Variants in CC2D2B observed in about 807,000 individuals in gnomAD.
The protein encoded by CC2D2B is coiled-coil and C2 domain containing 2B.
CC2D2B carries 128 observed loss-of-function variants against 161.2 expected under a neutral mutation model. The observed-to-expected ratio is 0.79, with a 90% CI of 0.69 to 0.92. The LOEUF (loss-of-function observed/expected upper bound fraction) is 0.92, where lower values mean the gene tolerates loss of function less well. Among genes scored for constraint, CC2D2B ranks in the 40% least tolerant of loss-of-function variants. The pLI is 0.00. For missense variants in CC2D2B, 1,173 were observed against 1,375.1 expected, an observed-to-expected ratio of 0.85 and a Z score of 2.32; for synonymous variants, 391 against 449.8, an observed-to-expected ratio of 0.87 and a Z score of 1.65.
intron 3 of CC2D2B, among the ~76,000 whole-genome samples, chr10:95,922,753 G>A (rs1340671228): frequency 1.3e-5 from 2 of 152,040 alleles, no homozygotes; most frequent in Non-Finnish European, 2.9e-5. Flanking sequence ...CAGCAACCGA[G>A]CAGAAAATAA....
intron 6 of CC2D2B, among the ~76,000 whole-genome samples, chr10:95,929,289 G>T (rs544895108): frequency 1.3e-5 from 2 of 152,262 alleles, no homozygotes; most frequent in East Asian, 1.9e-4. Flanking sequence ...GTAGATTCTG[G>T]ATATTAGCCC....
chr10:95,936,840 C>T lies in CC2D2B; in HGVS notation c.337-1151C>T, dbSNP rs1193518544. 3.3e-5 allele frequency among the ~76,000 whole-genome samples: 5 copies of T among 152,146 alleles called. No homozygotes were observed. In the East Asian group the frequency reaches 7.7e-4, roughly 23 times the overall value. On this transcript the variant is annotated intron_variant, in intron 6 of 34. Coordinates refer to ENST00000646931, the MANE Select transcript of CC2D2B (RefSeq NM_001349008.3). ...TCTACCATCAGGGCAGACCTTAGCT[C>T]TGAAGGCAGGTGGAAAGCCCTGGCC...
intron 2 of CC2D2B, among the ~76,000 whole-genome samples, chr10:95,913,860 T>C (rs753621146): frequency 5.9e-5 from 9 of 152,202 alleles, no homozygotes; most frequent in Non-Finnish European, 1.2e-4. Context: ...TATATTTTGG[T>C]TATTAATCCC....
chr10:95,981,163 G>T (rs567376919), intron 17 of CC2D2B, among the ~76,000 whole-genome samples: 4 of 152,124 alleles, frequency 2.6e-5, no homozygotes, highest in Admixed American at 6.6e-5. Flanking sequence ...GGAGGCCAAG[G>T]GGGGCGGATC....
At chr10:95,940,876 C>G (rs1478698090) in intron 9 of CC2D2B, among the ~76,000 whole-genome samples, 1 of 151,934 alleles carries the variant, frequency 6.6e-6, no homozygotes, top group African/African-American at 2.4e-5. Flanking sequence ...GAAAAAAAAT[C>G]CAATAATTAA....
intron 19 of CC2D2B, chr10:95,984,545 ATTAT>A (rs2077644390): frequency 6.6e-6 from 1 of 152,212 alleles, no homozygotes; most frequent in African/African-American, 2.4e-5. Flanking sequence ...TAAAATATTA[ATTAT>A]TTAATCAATG....
intron 17 of CC2D2B, among the ~76,000 whole-genome samples, chr10:95,977,289 C>T (rs745351653): frequency 1.3e-5 from 2 of 152,060 alleles, no homozygotes; most frequent in African/African-American, 2.4e-5. Flanking sequence ...GCAGGAGAAT[C>T]GCTTGAACCT....
intron 5 of CC2D2B, among the ~76,000 whole-genome samples, chr10:95,926,813 G>A (rs1352557511): frequency 1.6e-5 from 1 of 62,780 alleles, no homozygotes; most frequent in South Asian, 6.1e-4. Context: ...GGCTGAGGTG[G>A]CAGTGTGTGT....
At chr10:96,031,378 C>T (rs2080060009) in intron 34 of CC2D2B, among the ~76,000 whole-genome samples, 1 of 152,132 alleles carries the variant, frequency 6.6e-6, no homozygotes, top group African/African-American at 2.4e-5. Context: ...GGTAATTTTC[C>T]ATGGGACCAT....
Position 95,973,994 on chromosome 10 carries a change from G to A in CC2D2B, c.1796-15G>A, listed in dbSNP as rs2077232134. Reference sequence around the variant, plus strand: ...TTAAAACAATTCATATGTTTTTAATGCCTTTTATAAACAGATGTGCCTTTT... The same window carrying A: ...TTAAAACAATTCATATGTTTTTAATACCTTTTATAAACAGATGTGCCTTTT... On this transcript the variant is annotated splice_polypyrimidine_tract_variant and intron_variant, in intron 16 of 34. Coordinates refer to ENST00000646931, the MANE Select transcript of CC2D2B (RefSeq NM_001349008.3). The A allele has an allele frequency of 2.4e-6, 3 of 1,226,396 alleles. No individual in the cohort carries two copies. The East Asian group carries it at 9.5e-5, about 39-fold the overall frequency. 76.0% of individuals were successfully genotyped at this position (1,226,396 alleles called of 1,614,324 possible).
Position 95,938,042 on chromosome 10 carries a change from CA to C in CC2D2B, c.392del (p.Asn131MetfsTer11). The C allele has an allele frequency of 5.8e-6, 9 of 1,550,970 alleles. No homozygotes were observed. Among genetic ancestry groups the C allele is most frequent in the Non-Finnish European group, 7.8e-6 (9 of 1,146,502 alleles). The stretch of plus-strand genomic sequence containing the variant: ...ATGCTTTTCACTTGGTGTTAATTTA[CA>C]AAATGTTGCTGAGAGTGAAGAGGAA... Reference protein sequence around the residue: ...PKCFSLGVNLQNVAESEEEEF... With the variant: ...PKCFSLGVNLXNVAESEEEEF... On this transcript the variant is annotated frameshift_variant, in exon 7 of 35. Transcript: ENST00000646931. LOFTEE classifies it high-confidence loss of function.
chr10:95,918,439 T>G (rs1202510131), intron 2 of CC2D2B, among the ~76,000 whole-genome samples: 2 of 152,254 alleles, frequency 1.3e-5, no homozygotes, highest in Non-Finnish European at 2.9e-5. Flanking sequence ...ATTCTGTCAC[T>G]TTCTTTTAGC....
At chr10:95,987,636 A>G (rs2141637959) in intron 19 of CC2D2B, among the ~76,000 whole-genome samples, 1 of 152,326 alleles carries the variant, frequency 6.6e-6, no homozygotes, top group Non-Finnish European at 1.5e-5. Context: ...CATCCTGACA[A>G]TCTTATACTG....
intron 20 of CC2D2B, among the ~76,000 whole-genome samples, chr10:95,990,582 A>G (rs556415454): frequency 6.6e-6 from 1 of 152,290 alleles, no homozygotes; most frequent in Non-Finnish European, 1.5e-5. Context: ...TCCGTGTGGC[A>G]GGATAATTTT....
At chr10:95,973,953 T>C (rs1344408198) in intron 16 of CC2D2B, 56 bp from the exon 17 acceptor site, 1 of 1,040,730 alleles carries the variant, frequency 9.6e-7, no homozygotes, top group Non-Finnish European at 1.2e-6. Flanking sequence ...AAACCCACAA[T>C]GTGCTTCAAC....
intron 17 of CC2D2B, among the ~76,000 whole-genome samples, chr10:95,977,110 CG>C (rs1324173070): frequency 6.8e-3 from 1 of 148 alleles, no homozygotes; most frequent in African/African-American, 0.026. Flanking sequence ...GGTGGCTCAC[CG>C]TGTAATCCCA....
intron 22 of CC2D2B, among the ~76,000 whole-genome samples, chr10:95,994,666 G>A (rs1050407956): frequency 6.6e-6 from 1 of 152,192 alleles, no homozygotes; most frequent in Non-Finnish European, 1.5e-5. Context: ...CGGCCCTTAT[G>A]CGGGTGTGAC....
intron 24 of CC2D2B, chr10:96,000,708 C>T (rs1279183231): frequency 6.6e-6 from 1 of 152,046 alleles, no homozygotes; most frequent in Admixed American, 6.6e-5. Context: ...TTATGGATAC[C>T]AGCCCTTTGT....
chr10:96,012,227 G>A lies in CC2D2B; in HGVS notation c.3088G>A (p.Gly1030Arg), dbSNP rs1230003996. 5 of 701,516 alleles carry A rather than the reference G, an allele frequency of 7.1e-6. No homozygotes were observed. The highest frequency in any genetic ancestry group is 1.8e-5 in the African/African-American group (1 of 56,384). The allele number at this position is 701,516 out of a possible 1,614,324, so 43.5% of individuals were successfully genotyped here. The change falls in exon 27 of 35, where the codon GGG (glycine) becomes AGG (arginine). Residue 1030 changes from glycine (G) to arginine (R), a missense_variant. Gly to Arg is a moderately radical substitution (Grantham distance 125). Transcript: ENST00000646931. Reference protein sequence around the residue: ...FQVTIPPVLLGYTWSNTYVFP... With the variant: ...FQVTIPPVLLRYTWSNTYVFP... ...AGTAACTATTCCACCAGTTTTGCTC[G>A]GGTATACTTGGAGTAATACTTATGT...
Sources: gnomAD v4.1 joint callset for allele counts (sites outside exome capture counted in the v4.1 genomes callset) on GRCh38, gnomAD v4.1.1 for gene constraint, MANE v1.5 for transcripts, NCBI Gene and HGNC (gene_info 2026-07-23, HGNC 2026-07-21) for gene names.